The following HACD2 variants were observed in gnomAD, a reference collection of about 807,000 sequenced individuals.
The protein encoded by HACD2 is 3-hydroxyacyl-CoA dehydratase 2.
In HACD2, 15 loss-of-function variants were observed where a neutral mutation model predicts 31.0. The observed-to-expected ratio is 0.48, with a 90% CI of 0.32 to 0.75. The LOEUF (loss-of-function observed/expected upper bound fraction) is 0.75, where lower values mean the gene tolerates loss of function less well. Ranked by LOEUF, HACD2 falls within the 30% of genes least tolerant of loss-of-function variation. HACD2 has a pLI of 0.03. For synonymous variants in HACD2, 115 were observed against 122.2 expected (o/e 0.94, Z 0.39); for missense variants, 283 against 313.0 (o/e 0.90, Z 0.72).
chr3:123,513,186 T>C (rs770204638), intron 4 of HACD2, among the ~76,000 whole-genome samples: 2 of 152,188 alleles, frequency 1.3e-5, no homozygotes, highest in Non-Finnish European at 2.9e-5. Context: ...CATTGAATTA[T>C]ACAGGAATTC....
At chr3:123,520,021 A>G (rs539656373) in intron 4 of HACD2, among the ~76,000 whole-genome samples, 1 of 152,328 alleles carries the variant, frequency 6.6e-6, no homozygotes, top group East Asian at 1.9e-4. Flanking sequence ...GGCATGTAAA[A>G]TGGTTTCCAA....
intron 3 of HACD2, among the ~76,000 whole-genome samples, chr3:123,529,544 G>A (rs1359879963): frequency 6.6e-6 from 1 of 152,118 alleles, no homozygotes; most frequent in Non-Finnish European, 1.5e-5. Context: ...GCACAACATA[G>A]CGAGACCTTG....
At chr3:123,561,898 G>A (rs993503661) in intron 3 of HACD2, among the ~76,000 whole-genome samples, 2 of 151,904 alleles carry the variant, frequency 1.3e-5, no homozygotes, top group Non-Finnish European at 2.9e-5. Context: ...TGCAACCTCC[G>A]CCTCCTGGGT....
intron 2 of HACD2, among the ~76,000 whole-genome samples, chr3:123,577,554 G>C (rs2056920836): frequency 6.6e-6 from 1 of 150,952 alleles, no homozygotes; most frequent in Non-Finnish European, 1.5e-5. Context: ...CCGGGAGGCG[G>C]AGCTTGCAGT....
intron 3 of HACD2, among the ~76,000 whole-genome samples, chr3:123,556,751 C>A (rs1335342040): frequency 6.6e-6 from 1 of 152,092 alleles, no homozygotes; most frequent in Non-Finnish European, 1.5e-5. Flanking sequence ...AGAAAGAATT[C>A]TTAAATCTCA....
intron 3 of HACD2, among the ~76,000 whole-genome samples, chr3:123,545,406 C>G (rs1315148454): frequency 1.3e-5 from 2 of 151,234 alleles, no homozygotes; most frequent in African/African-American, 4.9e-5. Context: ...TGCTTGAACC[C>G]AGGAGGCAGA....
At chr3:123,519,038 G>A (rs2056181410) in intron 4 of HACD2, among the ~76,000 whole-genome samples, 1 of 148,610 alleles carries the variant, frequency 6.7e-6, no homozygotes, top group East Asian at 2.0e-4. Flanking sequence ...AAGAGGAAGT[G>A]AGAGGGAGAA....
At chr3:123,509,967 ATC>A (rs1277529809) in intron 4 of HACD2, among the ~76,000 whole-genome samples, 1 of 152,222 alleles carries the variant, frequency 6.6e-6, no homozygotes, top group Non-Finnish European at 1.5e-5. Flanking sequence ...TCATTTTAAT[ATC>A]TCAGTAATTT....
intron 4 of HACD2, among the ~76,000 whole-genome samples, chr3:123,504,728 T>C (rs1296651773): frequency 6.6e-6 from 1 of 152,150 alleles, no homozygotes; most frequent in African/African-American, 2.4e-5. Flanking sequence ...GCATAAGTCT[T>C]TTAAAAAAGA....
Position 123,569,305 on chromosome 3 carries a change from G to A in HACD2, c.274-1525C>T, listed in dbSNP as rs111959594. Among the ~76,000 whole-genome samples the A allele has an allele frequency of 4.2e-3, 643 of 152,232 alleles. 3 individuals carry two copies. The highest frequency in any genetic ancestry group is 0.015 in the African/African-American group (610 of 41,542). On this transcript the variant is annotated intron_variant, in intron 2 of 6. Transcript: ENST00000383657. The stretch of plus-strand genomic sequence containing the variant: ...CTAAAAGACAGATCTAGATCAAAAT[G>A]GGGAATGAAAAACATTATTTGAAAC...
intron 4 of HACD2, among the ~76,000 whole-genome samples, chr3:123,521,983 G>A (rs2056220543): frequency 6.6e-6 from 1 of 152,108 alleles, no homozygotes; most frequent in Admixed American, 6.5e-5. Flanking sequence ...AAGACAACAG[G>A]AGAAAGATGC....
At chr3:123,568,486 TCCTCAAGTACAA>T (rs1401550102) in intron 2 of HACD2, among the ~76,000 whole-genome samples, 1 of 152,170 alleles carries the variant, frequency 6.6e-6, no homozygotes, top group Non-Finnish European at 1.5e-5. Flanking sequence ...CTTCCCCTCA[TCCTCAAGTACAA>T]CCATTTCTAA....
chr3:123,566,321 G>T (rs556597181), intron 3 of HACD2, among the ~76,000 whole-genome samples: 1 of 151,692 alleles, frequency 6.6e-6, no homozygotes, highest in African/African-American at 2.4e-5. Flanking sequence ...AGACTCACTC[G>T]TTTCCCAGGC....
At chr3:123,556,942 C>T (rs1348219658) in intron 3 of HACD2, among the ~76,000 whole-genome samples, 1 of 152,198 alleles carries the variant, frequency 6.6e-6, no homozygotes, top group Non-Finnish European at 1.5e-5. Context: ...AACTGGCAAA[C>T]TGGACTTGAC....
At chr3:123,520,016 G>A (rs2107698455) in intron 4 of HACD2, among the ~76,000 whole-genome samples, 1 of 152,292 alleles carries the variant, frequency 6.6e-6, no homozygotes, top group Admixed American at 6.5e-5. Context: ...GAAAAGGCAT[G>A]TAAAATGGTT....
chr3:123,509,050 G>A (rs1002694796), intron 4 of HACD2, among the ~76,000 whole-genome samples: 2 of 152,078 alleles, frequency 1.3e-5, no homozygotes, highest in African/African-American at 4.8e-5. Flanking sequence ...GGGGGTTAGG[G>A]CTTCAAGGTA....
chr3:123,535,959 A>T (rs1050172666), intron 3 of HACD2, among the ~76,000 whole-genome samples: 1 of 152,232 alleles, frequency 6.6e-6, no homozygotes, highest in African/African-American at 2.4e-5. Flanking sequence ...TCCACAGGTA[A>T]CCAATTATTA....
chr3:123,555,113 G>A (rs895949945), intron 3 of HACD2, among the ~76,000 whole-genome samples: 8 of 152,250 alleles, frequency 5.3e-5, no homozygotes, highest in Admixed American at 5.2e-4. Flanking sequence ...TACCCTGATA[G>A]TAAAAATGAA....
intron 4 of HACD2, among the ~76,000 whole-genome samples, chr3:123,518,957 A>G (rs951260089): frequency 2.1e-5 from 3 of 145,158 alleles, no homozygotes; most frequent in African/African-American, 7.7e-5. Flanking sequence ...AGATCGCGTC[A>G]CTGCACTCCA....
Sources: gnomAD v4.1 joint callset for allele counts (sites outside exome capture counted in the v4.1 genomes callset) on GRCh38, gnomAD v4.1.1 for gene constraint, MANE v1.5 for transcripts, NCBI Gene and HGNC (gene_info 2026-07-23, HGNC 2026-07-21) for gene names.